ITGB1: variants seen among roughly 807,000 people sequenced by gnomAD.
ITGB1 encodes integrin beta-1.
A neutral mutation model predicts 86.5 loss-of-function variants in ITGB1; 24 were observed. The observed-to-expected ratio is 0.28, with a 90% confidence interval of 0.20 to 0.39. The LOEUF is 0.39. Ranked by LOEUF, ITGB1 falls within the 10% of genes least tolerant of loss-of-function variation. The pLI is 1.00. For missense variants in ITGB1, 556 were observed against 946.9 expected (o/e 0.59, Z 5.42); for synonymous variants, 323 against 316.8 (o/e 1.02, Z -0.21).
intron 4 of ITGB1, 50 bp downstream of exon 4, chr10:32,929,772 C>T (rs1381509293): frequency 1.2e-5 from 13 of 1,049,084 alleles, no homozygotes; most frequent in South Asian, 2.6e-5. Context: ...AAGCTGGTGT[C>T]GAATGCCTCA....
In ITGB1 at chr10:32,911,734, GTAAAA is replaced by G. The variant is rs1478389673; in HGVS notation, c.1709-69_1709-65del. ...ATACAATCACAGTATTGACTGAAAAGTAAAATAAGCAACAACATGTGAGAAAGTAT... is the reference window on the plus strand; with the variant it reads ...ATACAATCACAGTATTGACTGAAAAGTAAGCAACAACATGTGAGAAAGTAT... On this transcript the variant is annotated intron_variant, in intron 12 of 15. Coordinates refer to ENST00000302278, the MANE Select transcript of ITGB1 (RefSeq NM_002211.4). 7 of 1,554,530 alleles carry G rather than the reference GTAAAA, an allele frequency of 4.5e-6. No homozygotes were observed. In the African/African-American group the frequency reaches 5.4e-5, roughly 12 times the overall value.
chr10:32,935,821 ATATTT>A (rs2094999775), intron 1 of ITGB1: 1 of 299,530 alleles, frequency 3.3e-6, no homozygotes, highest in Non-Finnish European at 6.2e-6. Context: ...CAAACCGATT[ATATTT>A]TAACATTTAA....
intron 8 of ITGB1, 81 bp from the exon 9 acceptor site, chr10:32,922,427 T>A: frequency 2.1e-6 from 2 of 954,098 alleles, no homozygotes; most frequent in Non-Finnish European, 3.3e-6. Context: ...CTTTTATCTT[T>A]AAATGCCAGT....
At chr10:32,910,657 GATTT>G (rs554166688) in intron 13 of ITGB1, among the ~76,000 whole-genome samples, 124 of 152,062 alleles carry the variant, frequency 8.2e-4, no homozygotes, top group African/African-American at 2.7e-3. Flanking sequence ...TAAAATTAAA[GATTT>G]ATTACAGTTC....
chr10:32,951,565 C>T (rs188428660), intron 1 of ITGB1: 92 of 152,242 alleles, frequency 6.0e-4, no homozygotes, highest in African/African-American at 2.0e-3. Flanking sequence ...ACACTATAAA[C>T]AAAGCTATTA....
chr10:32,902,342 T>A (rs28364830), intron 15 of ITGB1, among the ~76,000 whole-genome samples: 10,290 of 152,236 alleles, frequency 0.068, 568 homozygotes, highest in South Asian at 0.26. Flanking sequence ...ACACAAGAGA[T>A]CTTTCAAGAT....
At chr10:32,957,056 G>C (rs1293477424) in intron 1 of ITGB1, among the ~76,000 whole-genome samples, 3 of 152,104 alleles carry the variant, frequency 2.0e-5, no homozygotes, top group East Asian at 3.9e-4. Context: ...AATGGGAATC[G>C]AAACAGTACC....
At position 32,908,554 on chromosome 10, in the gene ITGB1, T is replaced by C; in HGVS notation, c.2165-20A>G. On this transcript the variant is annotated intron_variant, in intron 14 of 15. Coordinates refer to ENST00000302278, the MANE Select transcript of ITGB1 (RefSeq NM_002211.4). ...GACACTCTGGAAAATAAGAAGGTAATAATGAGCACCACAAAGAGCTGTGCA... is the reference window on the plus strand; with the variant it reads ...GACACTCTGGAAAATAAGAAGGTAACAATGAGCACCACAAAGAGCTGTGCA... 1 of 1,609,260 alleles carries C rather than the reference T, an allele frequency of 6.2e-7. No homozygotes were observed.
At chr10:32,923,873 G>A in intron 6 of ITGB1, 133 bp from the exon 7 acceptor site, 2 of 712,882 alleles carry the variant, frequency 2.8e-6, no homozygotes, top group East Asian at 2.8e-5. Context: ...TTTATACAAT[G>A]GTAATTATCT....
At chr10:32,948,142 T>C (rs942071702) in intron 1 of ITGB1, among the ~76,000 whole-genome samples, 1 of 152,120 alleles carries the variant, frequency 6.6e-6, no homozygotes, top group African/African-American at 2.4e-5. Context: ...TTAATGTGGA[T>C]TGTTATAGCT....
intron 9 of ITGB1, among the ~76,000 whole-genome samples, chr10:32,921,178 A>C (rs907231423): frequency 2.6e-5 from 4 of 151,358 alleles, no homozygotes; most frequent in African/African-American, 9.7e-5. Flanking sequence ...AAAAAAAAAA[A>C]CAAAATCCCC....
chr10:32,939,006 C>A (rs902944329), intron 1 of ITGB1, among the ~76,000 whole-genome samples: 1 of 152,138 alleles, frequency 6.6e-6, no homozygotes, highest in Non-Finnish European at 1.5e-5. Flanking sequence ...CCTGCACATG[C>A]GCATGGAAGG....
chr10:32,926,121 A>G lies in ITGB1; in HGVS notation c.548-12T>C. On this transcript the variant is annotated splice_polypyrimidine_tract_variant and intron_variant, in intron 5 of 15. Coordinates refer to ENST00000302278, the MANE Select transcript of ITGB1 (RefSeq NM_002211.4). ...AAATGAGCCAAATCCTGCCAAGAAAAAAATGGTACATAAATGAATGAATGG... is the reference window on the plus strand; with the variant it reads ...AAATGAGCCAAATCCTGCCAAGAAAGAAATGGTACATAAATGAATGAATGG... 3 of 1,561,300 alleles carry G rather than the reference A, an allele frequency of 1.9e-6. No individual in the cohort carries two copies. Among genetic ancestry groups the G allele is most frequent in the Non-Finnish European group, 2.6e-6 (3 of 1,132,108 alleles).
chr10:32,920,202 A>G (rs1008839055), intron 10 of ITGB1, 43 bp downstream of exon 10: 2 of 1,590,810 alleles, frequency 1.3e-6, no homozygotes, highest in Admixed American at 1.7e-5. Context: ...ATTTGCTTAT[A>G]AATAACCAAT....
At chr10:32,926,420 C>T (rs531344528) in intron 5 of ITGB1, among the ~76,000 whole-genome samples, 10 of 152,282 alleles carry the variant, frequency 6.6e-5, no homozygotes, top group South Asian at 4.1e-4. Flanking sequence ...GTTGAAGGTA[C>T]GGCCTGGTGG....
At chr10:32,939,561 C>G (rs1565831149) in intron 1 of ITGB1, among the ~76,000 whole-genome samples, 1 of 152,186 alleles carries the variant, frequency 6.6e-6, no homozygotes, top group Non-Finnish European at 1.5e-5. Flanking sequence ...ATACTGCAGG[C>G]AACTGGAATG....
intron 11 of ITGB1, among the ~76,000 whole-genome samples, chr10:32,919,379 A>G (rs911525865): frequency 6.6e-6 from 1 of 152,240 alleles, no homozygotes; most frequent in Non-Finnish European, 1.5e-5. Flanking sequence ...CTACATACTG[A>G]AAATACCATT....
intron 1 of ITGB1, among the ~76,000 whole-genome samples, chr10:32,936,649 G>A (rs2095002983): frequency 6.6e-6 from 1 of 151,884 alleles, no homozygotes; most frequent in Non-Finnish European, 1.5e-5. Flanking sequence ...CCTACCATTA[G>A]GTACATATAT....
intron 2 of ITGB1, among the ~76,000 whole-genome samples, chr10:32,933,876 T>C (rs946735761): frequency 1.3e-5 from 2 of 152,200 alleles, no homozygotes; most frequent in African/African-American, 2.4e-5. Context: ...TTAATGATTA[T>C]GTATTTCAAT....
Sources: gnomAD v4.1 joint callset for allele counts (sites outside exome capture counted in the v4.1 genomes callset) on GRCh38, gnomAD v4.1.1 for gene constraint, MANE v1.5 for transcripts, NCBI Gene and HGNC (gene_info 2026-07-23, HGNC 2026-07-21) for gene names.